Variants in CATSPERT observed in about 807,000 individuals in gnomAD.
The protein encoded by CATSPERT is cation channel sperm-associated targeting subunit tau.
chr2:201,616,774 G>T, the CATSPERT span, among the ~76,000 whole-genome samples: 1 of 152,184 alleles, frequency 6.6e-6, no homozygotes, highest in South Asian at 2.1e-4. Context: ...AATTGTCCCT[G>T]TTTGCAGATG....
At chr2:201,595,010 G>T in the CATSPERT span, among the ~76,000 whole-genome samples, 1 of 152,108 alleles carries the variant, frequency 6.6e-6, no homozygotes, top group African/African-American at 2.4e-5. Context: ...GCTTTGTTCC[G>T]TGGCTGGTGA....
At chr2:201,618,221 A>G in the CATSPERT span, among the ~76,000 whole-genome samples, 1 of 152,230 alleles carries the variant, frequency 6.6e-6, no homozygotes, top group African/African-American at 2.4e-5. Flanking sequence ...ATATACCCAA[A>G]GGATTATAAA....
the CATSPERT span, among the ~76,000 whole-genome samples, chr2:201,612,696 G>A: frequency 6.6e-6 from 1 of 152,130 alleles, no homozygotes; most frequent in East Asian, 1.9e-4. Context: ...GAGGTACTGG[G>A]TTCATCTCAC....
At chr2:201,549,838 T>G in the CATSPERT span, 1 of 152,190 alleles carries the variant, frequency 6.6e-6, no homozygotes, top group East Asian at 1.9e-4. Flanking sequence ...TACTCGCTAT[T>G]ATTTTAATCC....
the CATSPERT span, among the ~76,000 whole-genome samples, chr2:201,500,253 A>G: frequency 2.0e-5 from 3 of 151,860 alleles, no homozygotes; most frequent in Non-Finnish European, 4.4e-5. Context: ...AGTGGCTCAC[A>G]CCTGTAATCT....
chr2:201,613,131 C>A, the CATSPERT span, among the ~76,000 whole-genome samples: 1 of 152,208 alleles, frequency 6.6e-6, no homozygotes, highest in Non-Finnish European at 1.5e-5. Flanking sequence ...GGGGGCAGGG[C>A]ATAGCTGAAC....
chr2:201,499,700 T>C, the CATSPERT span, among the ~76,000 whole-genome samples: 1 of 151,718 alleles, frequency 6.6e-6, no homozygotes. Context: ...CCAGGTGTGG[T>C]GGTGCAGCCT....
chr2:201,618,885 C>T, the CATSPERT span: 4 of 1,612,284 alleles, frequency 2.5e-6, no homozygotes, highest in Admixed American at 3.3e-5. Flanking sequence ...GCCGGCCAGG[C>T]CCCCGCTCAC....
At chr2:201,579,740 G>A in the CATSPERT span, among the ~76,000 whole-genome samples, 2 of 150,992 alleles carry the variant, frequency 1.3e-5, no homozygotes, top group Non-Finnish European at 2.9e-5. Context: ...TCCCATTTCT[G>A]TACTTATCTT....
chr2:201,498,966 A>G, the CATSPERT span, among the ~76,000 whole-genome samples: 1 of 151,338 alleles, frequency 6.6e-6, no homozygotes, highest in Non-Finnish European at 1.5e-5. Context: ...GGATTTGAAA[A>G]AAAGGAAAGG....
the CATSPERT span, chr2:201,571,950 T>C: frequency 6.2e-7 from 1 of 1,613,234 alleles, no homozygotes; most frequent in Non-Finnish European, 8.5e-7. Context: ...CGTCACGGGA[T>C]CTGTTCTTTC....
chr2:201,604,573 A>T, the CATSPERT span: 1 of 1,311,838 alleles, frequency 7.6e-7, no homozygotes, highest in South Asian at 1.4e-5. Flanking sequence ...CAAATAATAA[A>T]TAACTTATAC....
chr2:201,488,180 G>A, the CATSPERT span, among the ~76,000 whole-genome samples: 3 of 152,152 alleles, frequency 2.0e-5, no homozygotes, highest in Non-Finnish European at 2.9e-5. Flanking sequence ...CAAAGTATCC[G>A]TTATTTCAAA....
the CATSPERT span, among the ~76,000 whole-genome samples, chr2:201,490,509 A>G: frequency 2.0e-5 from 3 of 152,162 alleles, no homozygotes; most frequent in Admixed American, 6.5e-5. Context: ...GTTTTCCACA[A>G]TCAGGACTGT....
At chr2:201,585,634 A>AG in the CATSPERT span, among the ~76,000 whole-genome samples, 1 of 152,156 alleles carries the variant, frequency 6.6e-6, no homozygotes, top group Non-Finnish European at 1.5e-5. Context: ...ATACAAAAAA[A>AG]AGAGACAATA....
chr2:201,618,526 C>CG, the CATSPERT span, among the ~76,000 whole-genome samples: 2,556 of 118,588 alleles, frequency 0.022, 25 homozygotes, highest in Middle Eastern at 0.04. Flanking sequence ...TACTTGGACA[C>CG]GGGGGGGGAA....
At chr2:201,494,511 G>T in the CATSPERT span, 2 of 1,536,776 alleles carry the variant, frequency 1.3e-6, no homozygotes, top group Non-Finnish European at 1.7e-6. Flanking sequence ...TAGGATCAGG[G>T]GCTAACTTAT....
At chr2:201,534,074 ATC>A in the CATSPERT span, among the ~76,000 whole-genome samples, 10 of 152,094 alleles carry the variant, frequency 6.6e-5, no homozygotes, top group African/African-American at 2.4e-4. Flanking sequence ...CTATCTATCT[ATC>A]TATCTATCTA....
At chr2:201,532,099 A>C in the CATSPERT span, among the ~76,000 whole-genome samples, 9 of 152,218 alleles carry the variant, frequency 5.9e-5, no homozygotes, top group Non-Finnish European at 1.2e-4. Flanking sequence ...TGAATACAGA[A>C]TTAACAAGAC....
Sources: gnomAD v4.1 joint callset for allele counts (sites outside exome capture counted in the v4.1 genomes callset) on GRCh38, gnomAD v4.1.1 for gene constraint, MANE v1.5 for transcripts, NCBI Gene and HGNC (gene_info 2026-07-23, HGNC 2026-07-21) for gene names.